The following ADAMTS16 variants were observed in gnomAD, a reference collection of about 807,000 sequenced individuals.
ADAMTS16 encodes A disintegrin and metalloproteinase with thrombospondin motifs 16.
In ADAMTS16, 94 loss-of-function variants were observed where a neutral mutation model predicts 145.8. That is an observed-to-expected ratio of 0.64 (90% CI 0.55 to 0.77). The LOEUF is 0.77. Ranked by LOEUF, ADAMTS16 falls within the 30% of genes least tolerant of loss-of-function variation. The pLI, the probability that ADAMTS16 is intolerant of heterozygous loss-of-function variation, is 0.00. For missense variants in ADAMTS16, 1,585 were observed against 1,591.5 expected, an observed-to-expected ratio of 1.00 and a Z score of 0.07; for synonymous variants, 659 against 604.3, an observed-to-expected ratio of 1.09 and a Z score of -1.33.
chr5:5,201,380 T>G (rs981230846), intron 9 of ADAMTS16, among the ~76,000 whole-genome samples: 1 of 151,890 alleles, frequency 6.6e-6, no homozygotes, highest in Non-Finnish European at 1.5e-5. Flanking sequence ...AAAAAGCAAA[T>G]AAAAATTTTA....
intron 3 of ADAMTS16, among the ~76,000 whole-genome samples, chr5:5,168,293 G>T (rs868230740): frequency 6.0e-5 from 9 of 150,162 alleles, no homozygotes; most frequent in African/African-American, 1.7e-4. Context: ...CTCTTGAATT[G>T]TCTTGACTCC....
Position 5,239,890 on chromosome 5 carries a change from G to A in ADAMTS16, c.2488G>A (p.Ala830Thr), listed in dbSNP as rs556904566. The A allele has an allele frequency of 4.3e-5, 69 of 1,613,848 alleles. No individual in the cohort carries two copies. Among genetic ancestry groups the A allele is most frequent in the Non-Finnish European group, 4.7e-5 (55 of 1,180,020 alleles). The change falls in exon 16 of 23, where the codon GCT becomes ACT. Residue 830 changes from alanine (A) to threonine (T), a missense_variant. This residue lies in a region of ADAMTS16 where 834 missense variants were observed against 811.7 expected (regional missense o/e 1.03). Transcript: ENST00000274181. ...CTATAATGAGCCCGAGAACTTAATC[G>A]CTACTGGACCAACCAACGAGACACT... The part of the protein sequence containing the change: ...RSYNEPENLI[A>T]TGPTNETLIV...
chr5:5,260,055 G>A (rs1329251339), intron 17 of ADAMTS16, among the ~76,000 whole-genome samples: 1 of 152,132 alleles, frequency 6.6e-6, no homozygotes, highest in Admixed American at 6.5e-5. Flanking sequence ...CCAGAGTGCT[G>A]GAAATATTTA....
intron 17 of ADAMTS16, 107 bp from the exon 18 acceptor site, chr5:5,262,550 C>G: frequency 6.8e-7 from 1 of 1,466,234 alleles, no homozygotes; most frequent in South Asian, 1.4e-5. Context: ...CAAACACATG[C>G]CAGTATGGCT....
At position 5,205,730 on chromosome 5, in the gene ADAMTS16, T is replaced by C. The variant is rs145911966; in HGVS notation, c.1452-3363T>C. 2.1e-4 allele frequency among the ~76,000 whole-genome samples: 32 copies of C among 152,382 alleles called. No homozygotes were observed. The East Asian group carries it at 4.2e-3, about 20-fold the overall frequency. Reference sequence around the variant, plus strand: ...TTTTTATATGCTTATTTGCCATCTATATATTCTTTGATTAGGTGTCTGTTC... The same window carrying C: ...TTTTTATATGCTTATTTGCCATCTACATATTCTTTGATTAGGTGTCTGTTC... On this transcript the variant is annotated intron_variant, in intron 9 of 22. Coordinates refer to ENST00000274181, the MANE Select transcript of ADAMTS16 (RefSeq NM_139056.4).
intron 6 of ADAMTS16, among the ~76,000 whole-genome samples, chr5:5,188,044 A>G (rs1735558346): frequency 6.6e-6 from 1 of 152,178 alleles, no homozygotes; most frequent in Non-Finnish European, 1.5e-5. Context: ...ATTGGCCTGT[A>G]AGAAAATGGC....
chr5:5,291,921 A>C (rs1293095460), intron 18 of ADAMTS16, among the ~76,000 whole-genome samples: 1 of 152,238 alleles, frequency 6.6e-6, no homozygotes, highest in Non-Finnish European at 1.5e-5. Flanking sequence ...ATGTGAATTG[A>C]GGAGGGTGAC....
At chr5:5,304,332 C>T (rs946808639) in intron 20 of ADAMTS16, among the ~76,000 whole-genome samples, 1 of 152,122 alleles carries the variant, frequency 6.6e-6, no homozygotes, top group Admixed American at 6.5e-5. Context: ...TGGAGCCCTT[C>T]ATCATGGGAA....
At chr5:5,239,363 G>C in intron 15 of ADAMTS16, 89 bp downstream of exon 15, 1 of 1,487,238 alleles carries the variant, frequency 6.7e-7, no homozygotes, top group Non-Finnish European at 9.0e-7. Flanking sequence ...AGTGAAAACA[G>C]CAGGACTTCC....
chr5:5,247,902 T>A (rs1737500918), intron 17 of ADAMTS16, among the ~76,000 whole-genome samples: 1 of 152,232 alleles, frequency 6.6e-6, no homozygotes, highest in South Asian at 2.1e-4. Flanking sequence ...TCCACAGCAA[T>A]TGTGCAGGGC....
At chr5:5,166,535 T>G (rs1172734826) in intron 3 of ADAMTS16, among the ~76,000 whole-genome samples, 1 of 151,976 alleles carries the variant, frequency 6.6e-6, no homozygotes, top group Non-Finnish European at 1.5e-5. Flanking sequence ...CCTGCGGGAG[T>G]CCTGGGCTGT....
chr5:5,180,770 C>T (rs1027655114), intron 3 of ADAMTS16, among the ~76,000 whole-genome samples: 3 of 152,204 alleles, frequency 2.0e-5, no homozygotes, highest in Admixed American at 6.5e-5. Context: ...AATCCTTACA[C>T]TATATTTCCT....
intron 20 of ADAMTS16, among the ~76,000 whole-genome samples, chr5:5,305,042 A>C (rs1579405541): frequency 7.4e-5 from 4 of 54,288 alleles, no homozygotes; most frequent in Admixed American, 2.0e-4. Context: ...TCCATCCCAC[A>C]CCACACACAC....
At chr5:5,168,538 C>A (rs1371174698) in intron 3 of ADAMTS16, among the ~76,000 whole-genome samples, 3 of 136,986 alleles carry the variant, frequency 2.2e-5, no homozygotes, top group South Asian at 2.2e-4. Context: ...GTAACTATCA[C>A]CATTTTTATT....
At chr5:5,273,891 C>G (rs1288388017) in intron 18 of ADAMTS16, among the ~76,000 whole-genome samples, 1 of 152,204 alleles carries the variant, frequency 6.6e-6, no homozygotes, top group Admixed American at 6.5e-5. Context: ...ACAACATTAA[C>G]TTTCTGAATT....
At chr5:5,314,161 A>C (rs1172063669) in intron 21 of ADAMTS16, among the ~76,000 whole-genome samples, 1 of 152,196 alleles carries the variant, frequency 6.6e-6, no homozygotes, top group Non-Finnish European at 1.5e-5. Flanking sequence ...AATAGTGGAA[A>C]GTTGCAGGGC....
At chr5:5,304,837 C>A (rs1258898862) in intron 20 of ADAMTS16, among the ~76,000 whole-genome samples, 2 of 152,056 alleles carry the variant, frequency 1.3e-5, no homozygotes, top group South Asian at 2.1e-4. Flanking sequence ...AAAGACACAT[C>A]CCTGGGTGCA....
chr5:5,290,472 T>C (rs939975382), intron 18 of ADAMTS16, among the ~76,000 whole-genome samples: 1 of 152,090 alleles, frequency 6.6e-6, no homozygotes, highest in Non-Finnish European at 1.5e-5. Flanking sequence ...CTGACCAACA[T>C]GGTAAAACCC....
At chr5:5,149,969 A>T (rs925890649) in intron 3 of ADAMTS16, among the ~76,000 whole-genome samples, 1 of 152,196 alleles carries the variant, frequency 6.6e-6, no homozygotes, top group African/African-American at 2.4e-5. Context: ...TTTTTTGGCT[A>T]CTGCGAATAA....
Sources: gnomAD v4.1 joint callset for allele counts (sites outside exome capture counted in the v4.1 genomes callset) on GRCh38, gnomAD v4.1.1 for gene constraint, gnomAD v4.1.1 regional missense constraint, MANE v1.5 for transcripts, NCBI Gene and HGNC (gene_info 2026-07-23, HGNC 2026-07-21) for gene names.